Variants in BIRC6 observed in about 807,000 individuals in gnomAD.
The protein encoded by BIRC6 is baculoviral IAP repeat containing 6.
In BIRC6, 98 loss-of-function variants were observed where a neutral mutation model predicts 503.3. The observed-to-expected ratio is 0.19, with a 90% confidence interval of 0.17 to 0.23. The LOEUF is 0.23. Ranked by LOEUF, BIRC6 falls within the 10% of genes least tolerant of loss-of-function variation. The pLI, the probability that BIRC6 is intolerant of heterozygous loss-of-function variation, is 1.00. For missense variants in BIRC6, 5,360 were observed against 5,806.0 expected (o/e 0.92, Z 2.50); for synonymous variants, 2,240 against 2,078.7 (o/e 1.08, Z -2.11).
At chr2:32,545,548 A>G in intron 62 of BIRC6, 95 bp from the exon 63 acceptor site, 1 of 1,007,736 alleles carries the variant, frequency 9.9e-7, no homozygotes, top group Non-Finnish European at 1.6e-6. Context: ...ATACTTTTGT[A>G]TTACAGTGTC....
chr2:32,554,053 C>T (rs141804353), intron 65 of BIRC6, among the ~76,000 whole-genome samples: 2 of 152,154 alleles, frequency 1.3e-5, no homozygotes, highest in Middle Eastern at 3.4e-3. Flanking sequence ...AGATGGAGAT[C>T]CTGTTTCATT....
chr2:32,503,706 G>GCCA (rs2053467408), intron 49 of BIRC6, among the ~76,000 whole-genome samples: 1 of 151,994 alleles, frequency 6.6e-6, no homozygotes, highest in South Asian at 2.1e-4. Flanking sequence ...ACAGGCATGA[G>GCCA]CCACCATGCC....
chr2:32,590,752 C>A, intron 66 of BIRC6: 1 of 971,790 alleles, frequency 1.0e-6, no homozygotes, highest in Non-Finnish European at 1.2e-6. Context: ...AAAATGTTTG[C>A]AGATAATTCT....
At chr2:32,386,025 A>G (rs1338980516) in intron 3 of BIRC6, among the ~76,000 whole-genome samples, 1 of 152,198 alleles carries the variant, frequency 6.6e-6, no homozygotes, top group Non-Finnish European at 1.5e-5. Flanking sequence ...TTACTCAGGC[A>G]TTTAATTTCC....
rs1288981417 is a variant in BIRC6, at chr2:32,357,084, G to A, written c.-78G>A. On this transcript the variant is annotated 5_prime_UTR_variant, in exon 1 of 74. Coordinates refer to ENST00000421745, the MANE Select transcript of BIRC6 (RefSeq NM_016252.4). The surrounding 1 kb of genome is among the most constrained non-coding windows in gnomAD (Gnocchi z 4.9). ...CCTCCGAGTTTGGCCCCTCCGGCCGGGCGATCGACGTTCCGCGTGCGTGCG... is the reference window on the plus strand; with the variant it reads ...CCTCCGAGTTTGGCCCCTCCGGCCGAGCGATCGACGTTCCGCGTGCGTGCG... 31 of 1,276,400 alleles carry A rather than the reference G, an allele frequency of 2.4e-5. No homozygotes were observed. Among genetic ancestry groups the A allele is most frequent in the African/African-American group, 3.2e-5 (2 of 63,224 alleles). 79.1% of individuals were successfully genotyped at this position (1,276,400 alleles called of 1,614,324 possible). A position where few individuals can be genotyped will look rare whatever the true frequency, so the allele number is the denominator to read the frequency against.
chr2:32,504,963 C>A, intron 49 of BIRC6, 42 bp from the exon 50 acceptor site: 1 of 1,508,274 alleles, frequency 6.6e-7, no homozygotes, highest in Non-Finnish European at 9.1e-7. Flanking sequence ...TATTATGTTT[C>A]TTTTGCAAGT....
chr2:32,401,915 TAATGA>T (rs1245784598), intron 8 of BIRC6, among the ~76,000 whole-genome samples: 2 of 152,192 alleles, frequency 1.3e-5, no homozygotes, highest in East Asian at 1.9e-4. Flanking sequence ...AAAGTCTAAA[TAATGA>T]AATGAAATTC....
At chr2:32,463,094 G>T in intron 23 of BIRC6, 100 bp from the exon 24 acceptor site, 1 of 873,906 alleles carries the variant, frequency 1.1e-6, no homozygotes, top group Non-Finnish European at 1.7e-6. Context: ...TATAGTTTTA[G>T]CATCATAATA....
At chr2:32,390,005 A>G (rs1207074508) in intron 4 of BIRC6, among the ~76,000 whole-genome samples, 2 of 148,462 alleles carry the variant, frequency 1.3e-5, no homozygotes, top group Non-Finnish European at 2.9e-5. Context: ...GATTACAGAC[A>G]TGTGCCACCA....
At position 32,442,321 on chromosome 2, in the gene BIRC6, C is replaced by T. The variant is rs750800392; in HGVS notation, c.4107-3C>T. On this transcript the variant is annotated splice_region_variant and splice_polypyrimidine_tract_variant and intron_variant, in intron 18 of 73. Transcript: ENST00000421745. ...AGTCTAAATGTCTGCTATTGTTTTGCAGCTCAAAGGAAGGAAATGAGAACC... is the reference window on the plus strand; with the variant it reads ...AGTCTAAATGTCTGCTATTGTTTTGTAGCTCAAAGGAAGGAAATGAGAACC... 1.2e-6 allele frequency: 2 copies of T among 1,612,634 alleles called. No homozygotes were observed. The highest frequency in any genetic ancestry group is 3.3e-5 in the Admixed American group (2 of 59,752).
intron 65 of BIRC6, among the ~76,000 whole-genome samples, chr2:32,561,361 C>T (rs890169741): frequency 1.1e-4 from 16 of 151,736 alleles, no homozygotes; most frequent in African/African-American, 3.4e-4. Flanking sequence ...CCTGCCTCAG[C>T]GACCTGAGTA....
At chr2:32,400,026 C>T (rs780476027) in intron 6 of BIRC6, among the ~76,000 whole-genome samples, 1 of 151,948 alleles carries the variant, frequency 6.6e-6, no homozygotes, top group African/African-American at 2.4e-5. Flanking sequence ...ATCTTCTGGC[C>T]TCAAGGATCC....
intron 66 of BIRC6, chr2:32,591,072 A>C: frequency 1.4e-6 from 1 of 718,686 alleles, no homozygotes; most frequent in Non-Finnish European, 1.7e-6. Flanking sequence ...GTTTAATGTC[A>C]GACAATGACT....
At chr2:32,558,106 G>C (rs1438593828) in intron 65 of BIRC6, among the ~76,000 whole-genome samples, 1 of 152,054 alleles carries the variant, frequency 6.6e-6, no homozygotes, top group Non-Finnish European at 1.5e-5. Flanking sequence ...TCCTACTTTA[G>C]TCTGTTAACG....
Position 32,499,737 on chromosome 2 carries a change from G to T in BIRC6, c.8659G>T (p.Val2887Leu). 1 of 1,613,968 alleles carries T rather than the reference G, an allele frequency of 6.2e-7. No homozygotes were observed. Among genetic ancestry groups the T allele is most frequent in the Non-Finnish European group, 8.5e-7 (1 of 1,179,880 alleles). ...GTCAAGAAGTGGATCAGATAGCTCC[G>T]TGGGTGCTCGAGCATGCTTTGGGGG... ...VMSRSGSDSS[V>L]GARACFGGLF... Residue 2887 changes from valine (V) to leucine (L), a missense_variant, in exon 46 of 74, where the codon GTG becomes TTG. Val to Leu is a conservative substitution (Grantham distance 32, BLOSUM62 1). This residue lies in a region of BIRC6 where 2,299 missense variants were observed against 2,267.2 expected (regional missense o/e 1.01). Transcript: ENST00000421745.
chr2:32,463,665 A>G (rs2048232335), intron 24 of BIRC6, among the ~76,000 whole-genome samples: 1 of 152,216 alleles, frequency 6.6e-6, no homozygotes, highest in South Asian at 2.1e-4. Context: ...ATGTACAGTT[A>G]CTAGTTACTA....
intron 59 of BIRC6, chr2:32,527,706 A>C (rs1199754991): frequency 2.6e-5 from 4 of 152,432 alleles, no homozygotes; most frequent in African/African-American, 4.8e-5. Context: ...TTACATATGT[A>C]AAAAATATAC....
chr2:32,460,324 G>A (rs1158810982), intron 23 of BIRC6, among the ~76,000 whole-genome samples: 1 of 120,496 alleles, frequency 8.3e-6, no homozygotes, highest in African/African-American at 3.2e-5. Context: ...CTGTTGCCAG[G>A]CTGGAGTGAT....
At chr2:32,379,775 A>G (rs1179277506) in intron 2 of BIRC6, among the ~76,000 whole-genome samples, 3 of 152,174 alleles carry the variant, frequency 2.0e-5, no homozygotes, top group African/African-American at 7.2e-5. Context: ...GTCCTCTATT[A>G]TGACTTTATA....
Sources: allele counts gnomAD v4.1 joint callset (sites outside exome capture counted in the v4.1 genomes callset), GRCh38; gene constraint gnomAD v4.1.1; regional missense constraint gnomAD v4.1.1; non-coding constraint Gnocchi (gnomAD v3.1); transcripts MANE v1.5; gene names NCBI Gene and HGNC (gene_info 2026-07-23, HGNC 2026-07-21).